Variants in C10orf90 observed in about 807,000 individuals in gnomAD.
The protein encoded by C10orf90 is chromosome 10 open reading frame 90.
A neutral mutation model predicts 62.5 loss-of-function variants in C10orf90; 56 were observed. The ratio of observed to expected loss-of-function variants is 0.90; its 90% CI spans 0.72 to 1.12. C10orf90 has a LOEUF of 1.12. Among genes scored for constraint, C10orf90 ranks in the 50% most tolerant of loss-of-function variants. The pLI, the probability that C10orf90 is intolerant of heterozygous loss-of-function variation, is 0.00. For synonymous variants in C10orf90, 386 were observed against 340.4 expected (o/e 1.13, Z -1.47); for missense variants, 970 against 880.4 (o/e 1.10, Z -1.29).
intron 2 of C10orf90, among the ~76,000 whole-genome samples, chr10:126,555,522 A>C (rs888045099): frequency 8.9e-4 from 8 of 8,950 alleles, no homozygotes; most frequent in East Asian, 2.8e-3. Flanking sequence ...AAAAAAAAAA[A>C]CAAAAAATTA....
intron 1 of C10orf90, among the ~76,000 whole-genome samples, chr10:126,649,828 G>T (rs953937078): frequency 5.3e-5 from 8 of 152,178 alleles, no homozygotes; most frequent in Non-Finnish European, 1.2e-4. Context: ...GTTGCTGGGA[G>T]CAGGGCCTAC....
At chr10:126,568,659 G>A (rs1338450456) in intron 2 of C10orf90, among the ~76,000 whole-genome samples, 4 of 152,174 alleles carry the variant, frequency 2.6e-5, no homozygotes, top group African/African-American at 9.7e-5. Flanking sequence ...GGATTGTGCA[G>A]GGCTTGTACC....
At chr10:126,648,181 G>C (rs148320029) in intron 1 of C10orf90, among the ~76,000 whole-genome samples, 18 of 152,054 alleles carry the variant, frequency 1.2e-4, no homozygotes, top group African/African-American at 3.9e-4. Flanking sequence ...TTTTAATCAG[G>C]AACATCTTGG....
chr10:126,552,571 G>T (rs777240772), intron 2 of C10orf90, among the ~76,000 whole-genome samples: 14 of 152,188 alleles, frequency 9.2e-5, no homozygotes, highest in Non-Finnish European at 1.5e-4. Flanking sequence ...GCCAGGAGAC[G>T]CTGTCTTATA....
rs1862599628 is a variant in C10orf90 at position 126,504,564 on chromosome 10, G to A, written c.927C>T (p.Ala309=). The part of the protein sequence containing the change: ...SSVVRLKVPE[A]HTGLCERRKY... ...TGCGTCTCTCACACAACCCAGTGTGGGCCTCGGGAACCTTCAGCCGCACCA... is the reference window on the plus strand; with the variant it reads ...TGCGTCTCTCACACAACCCAGTGTGAGCCTCGGGAACCTTCAGCCGCACCA... Residue 309 remains alanine (A), a synonymous_variant, in exon 4 of 10, where the codon GCC becomes GCT. Coordinates refer to ENST00000488181, the MANE Select transcript of C10orf90 (RefSeq NM_001350921.2). The surrounding 1 kb of genome is among the most constrained non-coding windows in gnomAD (Gnocchi z 4.1). The A allele has an allele frequency of 6.2e-7, 1 of 1,614,062 alleles. No homozygotes were observed. The highest frequency in any genetic ancestry group is 8.5e-7 in the Non-Finnish European group (1 of 1,180,034).
intron 6 of C10orf90, among the ~76,000 whole-genome samples, chr10:126,460,010 T>A (rs568368565): frequency 3.6e-4 from 55 of 152,322 alleles, no homozygotes; most frequent in Admixed American, 2.4e-3. Flanking sequence ...AGGCTCATGG[T>A]AGTTTGGTAG....
chr10:126,630,653 A>C (rs976161824), intron 2 of C10orf90, among the ~76,000 whole-genome samples: 2 of 152,172 alleles, frequency 1.3e-5, no homozygotes, highest in Non-Finnish European at 2.9e-5. Context: ...CCATGGTGAC[A>C]AAGGCTTACA....
intron 2 of C10orf90, among the ~76,000 whole-genome samples, chr10:126,564,039 A>C (rs1844238260): frequency 6.6e-6 from 1 of 152,048 alleles, no homozygotes; most frequent in Non-Finnish European, 1.5e-5. Context: ...CGTAGTCCCC[A>C]TCCCACCCCA....
At chr10:126,647,719 A>G (rs1846199921) in intron 1 of C10orf90, among the ~76,000 whole-genome samples, 1 of 152,370 alleles carries the variant, frequency 6.6e-6, no homozygotes, top group Non-Finnish European at 1.5e-5. Flanking sequence ...GCTGAAAATT[A>G]TTGAGACTTC....
At chr10:126,426,163 T>C (rs371801045) in intron 8 of C10orf90, 73 bp from the exon 9 acceptor site, 3 of 1,190,786 alleles carry the variant, frequency 2.5e-6, no homozygotes, top group Non-Finnish European at 3.7e-6. Context: ...GCATCCTGTC[T>C]TGACGGCAGG....
At chr10:126,570,936 A>G (rs953316221) in intron 2 of C10orf90, among the ~76,000 whole-genome samples, 1 of 152,198 alleles carries the variant, frequency 6.6e-6, no homozygotes, top group Non-Finnish European at 1.5e-5. Flanking sequence ...ATATTTTCTC[A>G]ATGCTCCCTG....
At chr10:126,514,554 C>T (rs777138972) in intron 2 of C10orf90, among the ~76,000 whole-genome samples, 5 of 152,166 alleles carry the variant, frequency 3.3e-5, no homozygotes, top group African/African-American at 9.7e-5. Context: ...ACTGGAGAAC[C>T]GGGATTCTAG....
chr10:126,606,193 T>G (rs1845307850), intron 2 of C10orf90, among the ~76,000 whole-genome samples: 1 of 152,164 alleles, frequency 6.6e-6, no homozygotes, highest in African/African-American at 2.4e-5. Flanking sequence ...CCCTCAGGAA[T>G]TGTACTGATG....
At chr10:126,469,502 A>C (rs1249115739) in intron 4 of C10orf90, among the ~76,000 whole-genome samples, 2 of 152,158 alleles carry the variant, frequency 1.3e-5, no homozygotes, top group Non-Finnish European at 2.9e-5. Context: ...CTCCCTGCAG[A>C]ATCTGGGCCA....
intron 4 of C10orf90, among the ~76,000 whole-genome samples, chr10:126,488,549 G>GA (rs1376466756): frequency 1.3e-5 from 2 of 151,354 alleles, no homozygotes; most frequent in African/African-American, 4.9e-5. Context: ...AAACAATAGA[G>GA]AAAATCAATA....
intron 4 of C10orf90, among the ~76,000 whole-genome samples, chr10:126,495,057 C>G (rs1275882769): frequency 6.6e-6 from 1 of 152,206 alleles, no homozygotes; most frequent in Non-Finnish European, 1.5e-5. Context: ...CAGATGTTCT[C>G]AGATGGGCCT....
chr10:126,470,632 C>T (rs916162191), intron 4 of C10orf90, among the ~76,000 whole-genome samples: 2 of 151,686 alleles, frequency 1.3e-5, no homozygotes, highest in African/African-American at 4.9e-5. Flanking sequence ...TGCCTGTGGT[C>T]CAAGCTACTC....
chr10:126,436,798 GGTTTTTGTT>G (rs1427949675), intron 7 of C10orf90, among the ~76,000 whole-genome samples: 2 of 147,458 alleles, frequency 1.4e-5, no homozygotes, highest in Non-Finnish European at 3.0e-5. Context: ...TGAATAGCAG[GGTTTTTGTT>G]GTTTTTGTTG....
At position 126,611,405 on chromosome 10, in the gene C10orf90, G is replaced by A. The variant is rs72839071; in HGVS notation, c.313+35160C>T. Among the ~76,000 whole-genome samples, 54 of 152,244 alleles carry A rather than the reference G, an allele frequency of 3.5e-4. 1 individual carries two copies. Among genetic ancestry groups the A allele is most frequent in the Non-Finnish European group, 6.2e-4 (42 of 68,022 alleles). On this transcript the variant is annotated intron_variant, in intron 2 of 9. Coordinates refer to ENST00000488181, the MANE Select transcript of C10orf90 (RefSeq NM_001350921.2). ...TTTATTGATCCGTTTATCAGTTGAT[G>A]GACATTTGAGCTGTTCCCATTTTTT...
Sources: allele counts gnomAD v4.1 joint callset (sites outside exome capture counted in the v4.1 genomes callset), GRCh38; gene constraint gnomAD v4.1.1; non-coding constraint Gnocchi (gnomAD v3.1); transcripts MANE v1.5; gene names NCBI Gene and HGNC (gene_info 2026-07-23, HGNC 2026-07-21).